NBPF11: variants seen among roughly 807,000 people sequenced by gnomAD.
The protein encoded by NBPF11 is NBPF family member NBPF11.
Under a neutral mutation model 93.9 loss-of-function variants are expected in NBPF11, and 72 were observed. The observed-to-expected ratio is 0.77, with a 90% CI of 0.63 to 0.93. The LOEUF (loss-of-function observed/expected upper bound fraction) is 0.93. Among genes scored for constraint, NBPF11 ranks in the 40% least tolerant of loss-of-function variants. The pLI, the probability that NBPF11 is intolerant of heterozygous loss-of-function variation, is 0.00. For synonymous variants in NBPF11, 224 were observed against 304.9 expected (o/e 0.73, Z 2.76); for missense variants, 705 against 802.2 (o/e 0.88, Z 1.46).
At chr1:148,139,001 G>C (rs1415009531) in intron 2 of NBPF11, among the ~76,000 whole-genome samples, 11 of 151,254 alleles carry the variant, frequency 7.3e-5, no homozygotes, top group African/African-American at 2.5e-4. Context: ...TGAGGCAGGA[G>C]AATCACTTGA....
At chr1:148,136,883 T>C (rs1322396324) in intron 3 of NBPF11, among the ~76,000 whole-genome samples, 2 of 151,964 alleles carry the variant, frequency 1.3e-5, no homozygotes, top group African/African-American at 4.8e-5. Flanking sequence ...ATGTTTTAGA[T>C]GGGATTTTAA....
rs1203024195 is a variant in NBPF11 at position 148,122,891 on chromosome 1, T to C, written c.494-90A>G. 1.1e-4 allele frequency: 178 copies of C among 1,604,454 alleles called. 1 individual carries two copies. The highest frequency in any genetic ancestry group is 4.0e-5 in the African/African-American group (3 of 74,176). On this transcript the variant is annotated intron_variant, in intron 7 of 23. Coordinates refer to ENST00000682118, the MANE Select transcript of NBPF11 (RefSeq NM_001385469.3). ...ACGTGCACAGAGACATGAATATCTATGTATGGTTCAGCATTGTACTGAAAA... is the reference window on the plus strand; with the variant it reads ...ACGTGCACAGAGACATGAATATCTACGTATGGTTCAGCATTGTACTGAAAA...
intron 23 of NBPF11, 114 bp from the exon 24 acceptor site, chr1:148,104,026 C>A: frequency 1.2e-6 from 2 of 1,600,536 alleles, no homozygotes; most frequent in Non-Finnish European, 8.5e-7. Flanking sequence ...AGGACAGATC[C>A]ATTAATGAGG....
intron 5 of NBPF11, 51 bp downstream of exon 5, chr1:148,126,778 T>C (rs1553273169): frequency 2.5e-6 from 4 of 1,593,496 alleles, no homozygotes; most frequent in Non-Finnish European, 3.4e-6. Context: ...GGAGAGAGCA[T>C]TTAGTGTCTC....
Position 148,103,794 on chromosome 1 carries a change from T to G in NBPF11, c.*102A>C. ...TGTTCCTCAAATGAGTAAAACACAC[T>G]TCTGTAGTGCTGGAATGAGTCAGGT... is the stretch of plus-strand genomic sequence containing the variant. On this transcript the variant is annotated 3_prime_UTR_variant, in exon 24 of 24. Coordinates refer to ENST00000682118, the MANE Select transcript of NBPF11 (RefSeq NM_001385469.3). 1 of 1,611,958 alleles carries G rather than the reference T, an allele frequency of 6.2e-7. No homozygotes were observed.
intron 4 of NBPF11, among the ~76,000 whole-genome samples, chr1:148,127,952 G>A (rs2149255603): frequency 6.6e-6 from 1 of 151,878 alleles, no homozygotes; most frequent in South Asian, 2.1e-4. Flanking sequence ...ACCGCACACG[G>A]CCGACTTCTC....
chr1:148,134,282 T>C (rs1392294748), intron 4 of NBPF11, among the ~76,000 whole-genome samples: 43 of 151,444 alleles, frequency 2.8e-4, no homozygotes, highest in Non-Finnish European at 5.2e-4. Flanking sequence ...ACTGAAGTAA[T>C]AGACAGATGC....
rs1248654512 is a variant in NBPF11 at position 148,127,132 on chromosome 1, TTAAC to T, written c.-35-98_-35-95del. On this transcript the variant is annotated intron_variant, in intron 4 of 23. Transcript: ENST00000682118. ...TGAGGGATGTCAGTAACTGAAATTC[TTAAC>T]TTACTGTTGTGAAAAATGTGATCAC... The T allele has an allele frequency of 6.8e-6, 3 of 443,788 alleles. No homozygotes were observed. In the African/African-American group the frequency reaches 1.7e-4, roughly 26 times the overall value. The allele number at this position is 443,788 out of a possible 1,614,324, so 27.5% of individuals were successfully genotyped here.
intron 14 of NBPF11, among the ~76,000 whole-genome samples, chr1:148,115,373 T>C (rs1184153829): frequency 2.7e-5 from 4 of 149,810 alleles, no homozygotes; most frequent in African/African-American, 1.0e-4. Flanking sequence ...GAGATCCAGA[T>C]GAAAGCTGAG....
At chr1:148,134,203 G>C (rs1670897762) in intron 4 of NBPF11, among the ~76,000 whole-genome samples, 1 of 151,252 alleles carries the variant, frequency 6.6e-6, no homozygotes, top group Non-Finnish European at 1.5e-5. Flanking sequence ...TTCCTTGGTG[G>C]GAGCTAAAGG....
chr1:148,147,584 G>T (rs71337054), intron 1 of NBPF11, among the ~76,000 whole-genome samples: 1 of 151,832 alleles, frequency 6.6e-6, no homozygotes, highest in African/African-American at 2.4e-5. Flanking sequence ...TTTCCTGCTC[G>T]CCATCCACTG....
intron 4 of NBPF11, chr1:148,129,513 CG>C (rs1278754051): frequency 6.5e-6 from 1 of 152,978 alleles, no homozygotes; most frequent in African/African-American, 2.4e-5. Context: ...AGCCTCGTGG[CG>C]GACGGGACCT....
Position 148,102,281 on chromosome 1 carries a change from G to A in NBPF11, c.*1615C>T, listed in dbSNP as rs1662517445. Reference sequence around the variant, plus strand: ...AAAACAAAGGCACAGTAAAAATTGAGACCCAAAATTTGCAGCGTAGAGATA... The same window carrying A: ...AAAACAAAGGCACAGTAAAAATTGAAACCCAAAATTTGCAGCGTAGAGATA... On this transcript the variant is annotated 3_prime_UTR_variant, in exon 24 of 24. Transcript: ENST00000682118. The A allele has an allele frequency of 6.6e-6, 1 of 151,848 alleles. No individual in the cohort carries two copies. The highest frequency in any genetic ancestry group is 2.1e-4 in the South Asian group (1 of 4,820). 9.4% of individuals were successfully genotyped at this position (151,848 alleles called of 1,614,324 possible). A position where few individuals can be genotyped will look rare whatever the true frequency, so the allele number is the denominator to read the frequency against.
chr1:148,111,024 A>G (rs1426448653), intron 15 of NBPF11, among the ~76,000 whole-genome samples: 3 of 151,728 alleles, frequency 2.0e-5, no homozygotes, highest in Non-Finnish European at 4.4e-5. Context: ...CATACTACCA[A>G]CAAATGGGAA....
rs1417114316 is a variant in NBPF11 at position 148,120,794 on chromosome 1, G to C, written c.779-84C>G. 8.3e-4 allele frequency: 837 copies of C among 1,011,150 alleles called. 20 individuals carry two copies. The African/African-American group carries it at 0.012, about 14-fold the overall frequency. 62.6% of individuals were successfully genotyped at this position (1,011,150 alleles called of 1,614,324 possible). A position where few individuals can be genotyped will look rare whatever the true frequency, so the allele number is the denominator to read the frequency against. ...TAATCAGGACTGAGGGATGTCACTG[G>C]TAGCCTTGTTTACTTATTTGAAGAT... is the stretch of plus-strand genomic sequence containing the variant. On this transcript the variant is annotated intron_variant, in intron 9 of 23. Transcript: ENST00000682118.
intron 3 of NBPF11, among the ~76,000 whole-genome samples, chr1:148,136,186 A>T (rs1323816800): frequency 1.3e-5 from 2 of 151,990 alleles, no homozygotes; most frequent in Non-Finnish European, 1.5e-5. Context: ...ACAGAACTAA[A>T]CAACTACCTA....
Position 148,103,801 on chromosome 1 carries a change from G to T in NBPF11, c.*95C>A. On this transcript the variant is annotated 3_prime_UTR_variant, in exon 24 of 24. Coordinates refer to ENST00000682118, the MANE Select transcript of NBPF11 (RefSeq NM_001385469.3). ...CAAATGAGTAAAACACACTTCTGTA[G>T]TGCTGGAATGAGTCAGGTAGTTCAA... The T allele has an allele frequency of 1.2e-6, 2 of 1,611,878 alleles. No individual in the cohort carries two copies. Among genetic ancestry groups the T allele is most frequent in the Non-Finnish European group, 1.7e-6 (2 of 1,179,456 alleles).
chr1:148,103,163 T>C lies in NBPF11; in HGVS notation c.*733A>G. 1 of 199,062 alleles carries C rather than the reference T, an allele frequency of 5.0e-6. No individual in the cohort carries two copies. Among genetic ancestry groups the C allele is most frequent in the Non-Finnish European group, 1.0e-5 (1 of 97,784 alleles). The allele number at this position is 199,062 out of a possible 1,614,324, so 12.3% of individuals were successfully genotyped here. ...AAGGAGCCTAGCGGGTTAACAATTG[T>C]CAAGAGCAGTTGGTGGTTCTGAAAT... On this transcript the variant is annotated 3_prime_UTR_variant, in exon 24 of 24. Coordinates refer to ENST00000682118, the MANE Select transcript of NBPF11 (RefSeq NM_001385469.3).
intron 10 of NBPF11, among the ~76,000 whole-genome samples, chr1:148,120,201 G>A (rs1192799794): frequency 2.0e-5 from 3 of 151,980 alleles, no homozygotes; most frequent in Admixed American, 1.3e-4. Context: ...GTACAGAGAG[G>A]ATTCTTGAAA....
Sources: gnomAD v4.1 joint callset for allele counts (sites outside exome capture counted in the v4.1 genomes callset) on GRCh38, gnomAD v4.1.1 for gene constraint, MANE v1.5 for transcripts, NCBI Gene and HGNC (gene_info 2026-07-23, HGNC 2026-07-21) for gene names.